Variants in SEC16B observed in about 807,000 individuals in gnomAD.
SEC16B encodes SEC16 homolog B, endoplasmic reticulum export factor.
Under a neutral mutation model 141.8 loss-of-function variants are expected in SEC16B, and 115 were observed. That is an observed-to-expected ratio of 0.81 (90% CI 0.70 to 0.95). The LOEUF is 0.95. Ranked by LOEUF, SEC16B falls within the 40% of genes least tolerant of loss-of-function variation. The pLI is 0.00. For missense variants in SEC16B, 1,291 were observed against 1,312.3 expected, an observed-to-expected ratio of 0.98 and a Z score of 0.25; for synonymous variants, 493 against 492.5, an observed-to-expected ratio of 1.00 and a Z score of -0.01.
At position 177,929,687 on chromosome 1, in the gene SEC16B, G is replaced by T; in HGVS notation, c.*171C>A. 1.6e-6 allele frequency: 1 copy of T among 638,902 alleles called. No individual in the cohort carries two copies. The highest frequency in any genetic ancestry group is 2.8e-6 in the Non-Finnish European group (1 of 355,820). The allele number at this position is 638,902 out of a possible 1,614,324, so 39.6% of individuals were successfully genotyped here. ...AGCTAATCTTAAGAGACTGAATTGT[G>T]CTGTGTCTTGAGAGATCCTGTCCTC... On this transcript the variant is annotated 3_prime_UTR_variant, in exon 26 of 26. Transcript: ENST00000308284.
upstream of SEC16B, among the ~76,000 whole-genome samples, chr1:177,974,139 G>A (rs1414668438): frequency 6.6e-6 from 1 of 150,978 alleles, no homozygotes; most frequent in Non-Finnish European, 1.5e-5. Context: ...TTTTTATTTT[G>A]GCTAATAATC....
intron 11 of SEC16B, 110 bp downstream of exon 11, chr1:177,954,168 TG>T: frequency 1.4e-6 from 1 of 698,326 alleles, no homozygotes; most frequent in Non-Finnish European, 2.5e-6. Flanking sequence ...GAAAGATCCC[TG>T]GAGTGTGAGT....
At chr1:177,972,519 C>A (rs1185249652), upstream of SEC16B, among the ~76,000 whole-genome samples, 1 of 152,152 alleles carries the variant, frequency 6.6e-6, no homozygotes, top group Non-Finnish European at 1.5e-5. Context: ...CCCTCATGCC[C>A]AAATGGCTAC....
intron 12 of SEC16B, among the ~76,000 whole-genome samples, chr1:177,949,171 A>G (rs1651969686): frequency 6.6e-6 from 1 of 152,156 alleles, no homozygotes; most frequent in Non-Finnish European, 1.5e-5. Flanking sequence ...TGCAGTGAGA[A>G]GAGGATGATA....
chr1:177,941,753 G>T, intron 16 of SEC16B, 147 bp downstream of exon 16: 4 of 802,692 alleles, frequency 5.0e-6, no homozygotes, highest in Non-Finnish European at 5.9e-6. Context: ...TCGCATCTGG[G>T]CATGCATACA....
chr1:177,948,394 T>C, intron 12 of SEC16B: 1 of 1,304,558 alleles, frequency 7.7e-7, no homozygotes. Flanking sequence ...TCTTACCAAA[T>C]GCCTATGTTT....
chr1:177,941,608 T>C (rs569535367), intron 16 of SEC16B, among the ~76,000 whole-genome samples: 3 of 152,216 alleles, frequency 2.0e-5, no homozygotes, highest in East Asian at 1.9e-4. Flanking sequence ...CACCGTAGCA[T>C]GTAGTTTTAC....
At chr1:177,949,577 G>T (rs934487152) in intron 12 of SEC16B, among the ~76,000 whole-genome samples, 2 of 151,874 alleles carry the variant, frequency 1.3e-5, no homozygotes, top group Non-Finnish European at 2.9e-5. Flanking sequence ...AACGAAAATG[G>T]GCCAAGCATG....
At chr1:177,957,914 T>A (rs537545206) in intron 10 of SEC16B, among the ~76,000 whole-genome samples, 7 of 151,992 alleles carry the variant, frequency 4.6e-5, no homozygotes, top group African/African-American at 1.7e-4. Flanking sequence ...GAACATGTGA[T>A]GTTTGTTTTT....
At chr1:177,950,151 T>TAA in intron 12 of SEC16B, among the ~76,000 whole-genome samples, 1 of 149,448 alleles carries the variant, frequency 6.7e-6, no homozygotes, top group South Asian at 2.1e-4. Context: ...ATAAGAAGGA[T>TAA]AAAAAAAAAA....
In SEC16B at chr1:177,940,691, T is replaced by C; in HGVS notation, c.2046A>G (p.Ser682=). 4.3e-6 allele frequency: 7 copies of C among 1,613,716 alleles called. No individual in the cohort carries two copies. The highest frequency in any genetic ancestry group is 5.9e-6 in the Non-Finnish European group (7 of 1,179,774). ...LIKLAEKLKL[S]DPLVLERRSG... is the part of the protein sequence containing the mutation. ...TGCGTCTTTCTAAAACCAGAGGATCTGACAGCTTCAGTTTCTCTGCTAGCT... is the reference window on the plus strand; with the variant it reads ...TGCGTCTTTCTAAAACCAGAGGATCCGACAGCTTCAGTTTCTCTGCTAGCT... The change falls in exon 17 of 26, where the codon TCA becomes TCG. Residue 682 remains serine, a synonymous_variant. Transcript: ENST00000308284.
chr1:177,965,047 TG>T lies in SEC16B; in HGVS notation c.532del (p.Gln178AsnfsTer96). ...AACTGGCCTCTCCTTTCACACTTAC[TG>T]GAAGTGGGTCTCACTATTTGTTCCA... ...PFGTNSETHF[Q>X]SNSRNPCKDS... On this transcript the variant is annotated frameshift_variant and splice_region_variant, in exon 4 of 26. Coordinates refer to ENST00000308284, the MANE Select transcript of SEC16B (RefSeq NM_033127.4). LOFTEE classifies it high-confidence loss of function. The T allele has an allele frequency of 1.2e-6, 2 of 1,613,306 alleles. No individual in the cohort carries two copies. The highest frequency in any genetic ancestry group is 2.2e-5 in the South Asian group (2 of 90,860).
intron 11 of SEC16B, among the ~76,000 whole-genome samples, chr1:177,953,918 G>A (rs1055566131): frequency 6.6e-6 from 1 of 151,884 alleles, no homozygotes; most frequent in Non-Finnish European, 1.5e-5. Flanking sequence ...AACTGCTTAC[G>A]TCAAAGACCC....
In SEC16B at chr1:177,953,003, A is replaced by ATTT. The variant is rs59988344; in HGVS notation, c.1464-1011_1464-1009dup. ...GGACTGAACTTAACATGGAAGTGTCATTTTTTTTTTTTTTTTTTTGAGACC... is the reference window on the plus strand; with the variant it reads ...GGACTGAACTTAACATGGAAGTGTCATTTTTTTTTTTTTTTTTTTTTTGAGACC... On this transcript the variant is annotated intron_variant, in intron 11 of 25. Transcript: ENST00000308284. Among the ~76,000 whole-genome samples, 1,158 of 127,934 alleles carry ATTT rather than the reference A, an allele frequency of 9.1e-3. 28 individuals are homozygous for ATTT. Among genetic ancestry groups the ATTT allele is most frequent in the African/African-American group, 0.028 (948 of 33,958 alleles). 83.9% of individuals were successfully genotyped at this position (127,934 alleles called of 152,430 possible). A position where few individuals can be genotyped will look rare whatever the true frequency, so the allele number is the denominator to read the frequency against.
chr1:177,946,734 G>T (rs565798687), intron 13 of SEC16B, among the ~76,000 whole-genome samples: 1 of 152,280 alleles, frequency 6.6e-6, no homozygotes, highest in East Asian at 1.9e-4. Flanking sequence ...TTTGGCCTCA[G>T]ACGTTACATT....
chr1:177,961,251 G>C, intron 6 of SEC16B: 2 of 430,654 alleles, frequency 4.6e-6, no homozygotes, highest in Non-Finnish European at 8.2e-6. Context: ...TCATGACAAA[G>C]TTCCTACATC....
intron 5 of SEC16B, among the ~76,000 whole-genome samples, 180 bp downstream of exon 5, chr1:177,963,991 A>G (rs887766666): frequency 2.0e-5 from 3 of 152,156 alleles, no homozygotes; most frequent in African/African-American, 7.2e-5. Context: ...CCTAAGACTG[A>G]GGCAGTAAGG....
intron 16 of SEC16B, 90 bp from the exon 17 acceptor site, chr1:177,940,804 A>G (rs1450294983): frequency 1.3e-6 from 1 of 779,926 alleles, no homozygotes; most frequent in Non-Finnish European, 2.1e-6. Context: ...CGGGGAAGAG[A>G]AAACAAGGAA....
intron 12 of SEC16B, among the ~76,000 whole-genome samples, chr1:177,949,419 C>CAA (rs1376092781): frequency 2.3e-5 from 3 of 132,548 alleles, no homozygotes; most frequent in African/African-American, 8.0e-5. Context: ...CACACACACA[C>CAA]ACACACACAC....
Sources: allele counts gnomAD v4.1 joint callset (sites outside exome capture counted in the v4.1 genomes callset), GRCh38; gene constraint gnomAD v4.1.1; transcripts MANE v1.5; gene names NCBI Gene and HGNC (gene_info 2026-07-23, HGNC 2026-07-21).